The following ZNG1F variants were observed in gnomAD, a reference collection of about 807,000 sequenced individuals.
ZNG1F encodes zinc-regulated GTPase metalloprotein activator 1F.
the ZNG1F span, among the ~76,000 whole-genome samples, chr9:41,184,443 A>AC: frequency 7.6e-6 from 1 of 132,024 alleles, no homozygotes; most frequent in Non-Finnish European, 1.7e-5. Flanking sequence ...ATCTCAAAAA[A>AC]AAAAAACCTA....
the ZNG1F span, among the ~76,000 whole-genome samples, chr9:41,195,504 C>A: frequency 1.6e-5 from 2 of 125,034 alleles, no homozygotes; most frequent in African/African-American, 5.7e-5. Context: ...CTGTAAGTAA[C>A]ATTGTTTGAA....
chr9:41,154,914 T>C, the ZNG1F span, among the ~76,000 whole-genome samples: 1 of 150,004 alleles, frequency 6.7e-6, no homozygotes, highest in Admixed American at 6.7e-5. Flanking sequence ...GAAGAAAACC[T>C]AGGCATTACC....
the ZNG1F span, among the ~76,000 whole-genome samples, chr9:41,175,429 A>C: frequency 1.4e-5 from 2 of 147,826 alleles, no homozygotes; most frequent in African/African-American, 5.1e-5. Flanking sequence ...AGAACTGGAG[A>C]GTGTCAGTCT....
At chr9:41,205,070 G>A in the ZNG1F span, among the ~76,000 whole-genome samples, 1 of 135,264 alleles carries the variant, frequency 7.4e-6, no homozygotes, top group Non-Finnish European at 1.6e-5. Context: ...GATCTGCTCT[G>A]TGTTGGAAAT....
the ZNG1F span, among the ~76,000 whole-genome samples, chr9:41,201,058 T>C: frequency 6.9e-6 from 1 of 145,666 alleles, no homozygotes; most frequent in African/African-American, 2.5e-5. Flanking sequence ...CAGAAAATTA[T>C]AACAGAAAGA....
the ZNG1F span, among the ~76,000 whole-genome samples, chr9:41,154,700 G>T: frequency 1.3e-5 from 2 of 149,014 alleles, no homozygotes; most frequent in Non-Finnish European, 3.0e-5. Flanking sequence ...AAATAATGCC[G>T]CATATCTACA....
chr9:41,166,426 A>T, the ZNG1F span, among the ~76,000 whole-genome samples: 80 of 43,908 alleles, frequency 1.8e-3, no homozygotes, highest in African/African-American at 4.9e-3. Flanking sequence ...AAAAAATAAT[A>T]ATAATAATTA....
At chr9:41,166,498 G>A in the ZNG1F span, among the ~76,000 whole-genome samples, 4 of 140,654 alleles carry the variant, frequency 2.8e-5, no homozygotes, top group South Asian at 8.7e-4. Flanking sequence ...CAAAGAAATT[G>A]TATAACAAGA....
chr9:41,150,288 G>C, the ZNG1F span, among the ~76,000 whole-genome samples: 1 of 150,384 alleles, frequency 6.6e-6, no homozygotes. Flanking sequence ...CGCGCACCAG[G>C]AGATTGTGTC....
the ZNG1F span, among the ~76,000 whole-genome samples, chr9:41,185,071 T>A: frequency 7.0e-6 from 1 of 142,668 alleles, no homozygotes; most frequent in Non-Finnish European, 1.5e-5. Context: ...TGGCTAGAAG[T>A]GAGCTTTGAT....
chr9:41,178,926 T>C, the ZNG1F span, among the ~76,000 whole-genome samples: 1 of 132,798 alleles, frequency 7.5e-6, no homozygotes, highest in East Asian at 2.2e-4. Context: ...TTTAGGACTT[T>C]CATAGCTATA....
At chr9:41,164,999 A>G in the ZNG1F span, 2 of 1,587,068 alleles carry the variant, frequency 1.3e-6, no homozygotes, top group Admixed American at 1.7e-5. Context: ...ATCATTTTGT[A>G]CCTAAGTGTC....
the ZNG1F span, among the ~76,000 whole-genome samples, chr9:41,139,464 G>T: frequency 6.1e-5 from 9 of 147,432 alleles, no homozygotes; most frequent in African/African-American, 2.3e-4. Flanking sequence ...CTGCTGCAGG[G>T]AGGTGGCACT....
chr9:41,154,809 A>C, the ZNG1F span, among the ~76,000 whole-genome samples: 6 of 150,272 alleles, frequency 4.0e-5, no homozygotes, highest in Non-Finnish European at 8.9e-5. Flanking sequence ...ATATGTCGAA[A>C]GCTGAAACTG....
At chr9:41,139,515 G>A in the ZNG1F span, among the ~76,000 whole-genome samples, 2 of 149,144 alleles carry the variant, frequency 1.3e-5, no homozygotes, top group East Asian at 4.0e-4. Flanking sequence ...AAAGGAACAG[G>A]TGATGTGTTG....
chr9:41,141,218 G>GA, the ZNG1F span, among the ~76,000 whole-genome samples: 16 of 151,650 alleles, frequency 1.1e-4, no homozygotes, highest in Admixed American at 9.3e-4. Context: ...GAAAAACCCT[G>GA]AAAAAATCTG....
the ZNG1F span, chr9:41,174,286 A>C: frequency 6.4e-7 from 1 of 1,553,272 alleles, no homozygotes; most frequent in Non-Finnish European, 8.7e-7. Context: ...ACTGTTTTTT[A>C]ACTTACCATC....
the ZNG1F span, among the ~76,000 whole-genome samples, chr9:41,154,815 A>C: frequency 4.0e-5 from 6 of 150,162 alleles, no homozygotes; most frequent in Non-Finnish European, 8.9e-5. Flanking sequence ...CGAAAGCTGA[A>C]ACTGGATCCC....
chr9:41,185,104 A>C, the ZNG1F span, among the ~76,000 whole-genome samples: 1 of 145,278 alleles, frequency 6.9e-6, no homozygotes, highest in African/African-American at 2.5e-5. Flanking sequence ...TTATGAAGAA[A>C]AACTCCTATA....
Sources: allele counts gnomAD v4.1 joint callset (sites outside exome capture counted in the v4.1 genomes callset), GRCh38; gene constraint gnomAD v4.1.1; transcripts MANE v1.5; gene names NCBI Gene and HGNC (gene_info 2026-07-23, HGNC 2026-07-21).